The following NAV1 variants were observed in gnomAD, a reference collection of about 807,000 sequenced individuals.
NAV1 encodes neuron navigator 1.
Under a neutral mutation model 175.2 loss-of-function variants are expected in NAV1, and 18 were observed. The observed-to-expected ratio is 0.10, with a 90% CI of 0.07 to 0.15. The LOEUF (loss-of-function observed/expected upper bound fraction) is 0.15, where lower values mean the gene tolerates loss of function less well. Ranked by LOEUF, NAV1 falls within the 10% of genes least tolerant of loss-of-function variation. The pLI, the probability that NAV1 is intolerant of heterozygous loss-of-function variation, is 1.00. For missense variants in NAV1, 1,731 were observed against 2,436.6 expected (o/e 0.71, Z 6.10); for synonymous variants, 897 against 978.7 (o/e 0.92, Z 1.56).
chr1:201,617,235 T>A (rs1013382456), intron 2 of NAV1, among the ~76,000 whole-genome samples: 4 of 151,274 alleles, frequency 2.6e-5, no homozygotes, highest in African/African-American at 4.9e-5. Flanking sequence ...TCTCTCTCTC[T>A]CTCTCTGTCT....
At chr1:201,623,754 G>A in intron 1 of NAV1, 148 bp downstream of exon 3, 3 of 767,330 alleles carry the variant, frequency 3.9e-6, no homozygotes, top group South Asian at 1.2e-4. Context: ...GGTAGGTGGA[G>A]GCCTACAGAG....
rs1408304227 is a variant in NAV1, at chr1:201,807,950, T to C, written c.3649-3T>C. On this transcript the variant is annotated splice_region_variant and splice_polypyrimidine_tract_variant and intron_variant, in intron 17 of 29. Coordinates refer to ENST00000367296, the Ensembl canonical transcript of NAV1. This position sits in a 1 kb window ranked among gnomAD's most constrained non-coding sequence, Gnocchi z 5.4. ...CCCTCTACCTGGATCTGCTTTTTTC[T>C]AGCTTCGAAGTTCCTTCAACAAAGC... The C allele has an allele frequency of 2.5e-6, 4 of 1,614,168 alleles. No homozygotes were observed. The highest frequency in any genetic ancestry group is 1.7e-6 in the Non-Finnish European group (2 of 1,180,024).
chr1:201,802,631 A>G (rs965887121), intron 15 of NAV1, among the ~76,000 whole-genome samples: 1 of 151,338 alleles, frequency 6.6e-6, no homozygotes, highest in African/African-American at 2.4e-5. Flanking sequence ...ATACGAAAAA[A>G]TTAGTGGGCC....
At position 201,756,809 on chromosome 1, in the gene NAV1, C is replaced by CTTCTTTCTTTCTTTCTCTTTCT. The variant is rs1674500484; in HGVS notation, c.1227-23596_1227-23595insCTTTCTTTCTTTCTTTCTTTCT. Among the ~76,000 whole-genome samples the CTTCTTTCTTTCTTTCTCTTTCT allele has an allele frequency of 2.6e-4, 7 of 27,002 alleles. No homozygotes were observed. In the South Asian group the frequency reaches 7.1e-3, roughly 27 times the overall value. 17.7% of individuals were successfully genotyped at this position (27,002 alleles called of 152,430 possible). A position where few individuals can be genotyped will look rare whatever the true frequency, so the allele number is the denominator to read the frequency against. On this transcript the variant is annotated intron_variant, in intron 3 of 29. Transcript: ENST00000367296. ...ATGAGCAATTCTCTTTCTTTCTTTC[C>CTTCTTTCTTTCTTTCTCTTTCT]TTCTTTCTTTCTTTCTTTCTTTCTT...
intron 3 of NAV1, among the ~76,000 whole-genome samples, chr1:201,757,556 A>G (rs1434002576): frequency 4.6e-5 from 7 of 152,178 alleles, no homozygotes; most frequent in African/African-American, 1.2e-4. Flanking sequence ...TTCAGTTTCT[A>G]TATTTGATAT....
intron 1 of NAV1, among the ~76,000 whole-genome samples, chr1:201,682,085 C>CA (rs1180731144): frequency 1.4e-5 from 2 of 139,094 alleles, no homozygotes; most frequent in Non-Finnish European, 3.0e-5. Context: ...CACTGCACTC[C>CA]AGCCTGGGTG....
intron 1 of NAV1, among the ~76,000 whole-genome samples, chr1:201,657,819 C>T (rs1669462998): frequency 3.3e-5 from 5 of 152,164 alleles, no homozygotes; most frequent in Admixed American, 3.3e-4. Flanking sequence ...ATCACTTGAG[C>T]TCAGGAGTTT....
intron 2 of NAV1, among the ~76,000 whole-genome samples, chr1:201,714,715 AT>A (rs993827203): frequency 6.6e-6 from 1 of 152,186 alleles, no homozygotes. Context: ...TTGTTGGAAC[AT>A]CTCTCAGCAC....
intron 1 of NAV1, among the ~76,000 whole-genome samples, chr1:201,557,282 A>G (rs1348222331): frequency 1.3e-5 from 2 of 152,178 alleles, no homozygotes; most frequent in East Asian, 3.9e-4. Flanking sequence ...CTTTTGTGAA[A>G]CAATGCAAGA....
intron 1 of NAV1, among the ~76,000 whole-genome samples, chr1:201,582,379 C>A (rs1184475702): frequency 1.3e-5 from 2 of 152,210 alleles, no homozygotes; most frequent in Non-Finnish European, 2.9e-5. Context: ...AATCTGGAAG[C>A]ACACAGGACC....
At chr1:201,669,736 A>G (rs1037916560) in intron 1 of NAV1, among the ~76,000 whole-genome samples, 3 of 152,166 alleles carry the variant, frequency 2.0e-5, no homozygotes, top group Non-Finnish European at 4.4e-5. Flanking sequence ...CTGGGTAGGG[A>G]AACATCATTG....
Position 201,649,441 on chromosome 1 carries a change from C to CCGCCA in NAV1, c.757+20_757+21insACGCC. The stretch of plus-strand genomic sequence containing the variant: ...CAGATGCTGGGTAAGTCCTGCCGCC[C>CCGCCA]CGCCCCGCCCCGCCCCTGGCTTTCT... On this transcript the variant is annotated intron_variant, in intron 1 of 29. Coordinates refer to ENST00000367296, the Ensembl canonical transcript of NAV1. The CCGCCA allele has an allele frequency of 6.8e-7, 1 of 1,478,626 alleles. No individual in the cohort carries two copies. The highest frequency in any genetic ancestry group is 9.0e-7 in the Non-Finnish European group (1 of 1,113,130). 91.6% of individuals were successfully genotyped at this position (1,478,626 alleles called of 1,614,324 possible). A position where few individuals can be genotyped will look rare whatever the true frequency, so the allele number is the denominator to read the frequency against.
At position 201,785,566 on chromosome 1, in the gene NAV1, CAG is replaced by C. The variant is rs55997697; in HGVS notation, c.2846+216_2846+217del. Among the ~76,000 whole-genome samples, 634 of 152,078 alleles carry C rather than the reference CAG, an allele frequency of 4.2e-3. 9 individuals carry two copies. Among genetic ancestry groups the C allele is most frequent in the Non-Finnish European group, 6.6e-3 (451 of 67,988 alleles). Reference sequence around the variant, plus strand: ...ACAGCAAGTGTTCTTTTTTTGGTGACAGGGGAGAAACAAGTTTGCACATGGGA... The same window carrying C: ...ACAGCAAGTGTTCTTTTTTTGGTGACGGGAGAAACAAGTTTGCACATGGGA... On this transcript the variant is annotated intron_variant, in intron 8 of 29. Coordinates refer to ENST00000367296, the Ensembl canonical transcript of NAV1.
At position 201,549,500 on chromosome 1, in the gene NAV1, C is replaced by T. The variant is rs563636172; in HGVS notation, c.-144+10158C>T. Reference sequence around the variant, plus strand: ...CTGGGATTACAGGCATGCGCCAACGCGCCTGGCCTTCTGGCTTCTAAATAC... The same window carrying T: ...CTGGGATTACAGGCATGCGCCAACGTGCCTGGCCTTCTGGCTTCTAAATAC... On this transcript the variant is annotated intron_variant, in intron 1 of 33. Transcript: ENST00000685211. 7.7e-4 allele frequency among the ~76,000 whole-genome samples: 117 copies of T among 152,350 alleles called. No homozygotes were observed. The Middle Eastern group carries it at 0.01, about 13-fold the overall frequency.
chr1:201,736,448 A>C lies in NAV1; in HGVS notation c.1226+17693A>C, dbSNP rs189837392. Among the ~76,000 whole-genome samples, 7 of 152,336 alleles carry C rather than the reference A, an allele frequency of 4.6e-5. No homozygotes were observed. The East Asian group carries it at 1.4e-3, about 29-fold the overall frequency. On this transcript the variant is annotated intron_variant, in intron 3 of 29. Coordinates refer to ENST00000367296, the Ensembl canonical transcript of NAV1. The stretch of plus-strand genomic sequence containing the variant: ...ACATCAACCTCTGAGATTATTGTCC[A>C]GGAGACAAGGAGAGCCTCCCATAAA...
intron 3 of NAV1, among the ~76,000 whole-genome samples, chr1:201,745,551 TA>T (rs1673715291): frequency 6.6e-6 from 1 of 152,196 alleles, no homozygotes; most frequent in Non-Finnish European, 1.5e-5. Context: ...CTCTGCCAGT[TA>T]GCCTGAAAGA....
Position 201,776,621 on chromosome 1 carries a change from A to T in NAV1, c.1227-3800A>T, listed in dbSNP as rs575264714. Among the ~76,000 whole-genome samples the T allele has an allele frequency of 2.0e-5, 3 of 148,136 alleles. No homozygotes were observed. In the South Asian group the frequency reaches 6.5e-4, roughly 32 times the overall value. ...GCACCACTGCACTCTAGCCTGGGTG[A>T]CAGAGCAAGACTCCATCTCAAAAAA... is the stretch of plus-strand genomic sequence containing the variant. On this transcript the variant is annotated intron_variant, in intron 3 of 29. Transcript: ENST00000367296.
chr1:201,560,462 G>C (rs1557997479), intron 1 of NAV1, among the ~76,000 whole-genome samples: 1 of 152,154 alleles, frequency 6.6e-6, no homozygotes, highest in Non-Finnish European at 1.5e-5. Context: ...CAAACTACTA[G>C]TGGTCTAGCC....
intron 1 of NAV1, among the ~76,000 whole-genome samples, chr1:201,573,971 G>A (rs185322461): frequency 1.6e-4 from 25 of 152,096 alleles, no homozygotes; most frequent in East Asian, 3.9e-4. Context: ...TGGGAGGATC[G>A]CTTGAGCCCA....
Sources: gnomAD v4.1 joint callset for allele counts (sites outside exome capture counted in the v4.1 genomes callset) on GRCh38, gnomAD v4.1.1 for gene constraint, Gnocchi (gnomAD v3.1) non-coding constraint, MANE v1.5 for transcripts, NCBI Gene and HGNC (gene_info 2026-07-23, HGNC 2026-07-21) for gene names.